LYST: variants seen among roughly 807,000 people sequenced by gnomAD.
The protein encoded by LYST is lysosomal-trafficking regulator.
LYST carries 192 observed loss-of-function variants against 413.6 expected under a neutral mutation model. The observed-to-expected ratio is 0.46, with a 90% confidence interval of 0.41 to 0.52. The LOEUF is 0.52. Among genes scored for constraint, LYST ranks in the 20% least tolerant of loss-of-function variants. The probability of loss-of-function intolerance (pLI) is 0.00; values close to 1 mark genes in which losing one functional copy is unlikely to be tolerated. For synonymous variants in LYST, 1,525 were observed against 1,567.3 expected (o/e 0.97, Z 0.64); for missense variants, 3,815 against 4,499.9 (o/e 0.85, Z 4.35).
rs181635489 is a variant in LYST, at chr1:235,705,222, C to T, written c.10144-2245G>A. ...CAATCCTTAATTCAGAGTCTCTGCA[C>T]TTAATCGCCATACTTTGTTTTGCCC... On this transcript the variant is annotated intron_variant, in intron 44 of 52. Coordinates refer to ENST00000389793, the MANE Select transcript of LYST (RefSeq NM_000081.4). Among the ~76,000 whole-genome samples the T allele has an allele frequency of 5.3e-5, 8 of 152,174 alleles. No homozygotes were observed. In the East Asian group the frequency reaches 1.5e-3, roughly 29 times the overall value.
intron 1 of LYST, among the ~76,000 whole-genome samples, chr1:235,875,045 G>A (rs774126570): frequency 6.6e-6 from 1 of 152,132 alleles, no homozygotes; most frequent in African/African-American, 2.4e-5. Context: ...ATTTTAACAC[G>A]ATCCCCGGGT....
rs1034900342 is a variant in LYST at position 235,819,820 on chromosome 1, G to A, written c.193-6759C>T. Among the ~76,000 whole-genome samples, 7 of 152,040 alleles carry A rather than the reference G, an allele frequency of 4.6e-5. No homozygotes were observed. The South Asian group carries it at 8.3e-4, about 18-fold the overall frequency. The stretch of plus-strand genomic sequence containing the variant: ...GCCACCACGCCCAGCTAATCTTTTC[G>A]TAATTTTAGTAGAGATGGGGTATCA... On this transcript the variant is annotated intron_variant, in intron 3 of 52. Transcript: ENST00000389793.
intron 42 of LYST, among the ~76,000 whole-genome samples, chr1:235,714,835 G>T (rs1662697326): frequency 6.6e-6 from 1 of 152,120 alleles, no homozygotes; most frequent in Admixed American, 6.5e-5. Flanking sequence ...ATGTACATAG[G>T]CTCCAAAGGT....
At chr1:235,752,936 A>G (rs542672088) in intron 26 of LYST, 108 bp downstream of exon 26, 345 of 636,860 alleles carry the variant, frequency 5.4e-4, no homozygotes, top group Non-Finnish European at 8.4e-4. Flanking sequence ...GGTACACAGA[A>G]AGGCTTCTTA....
chr1:235,780,708 G>A (rs1669778450), intron 16 of LYST, among the ~76,000 whole-genome samples, 157 bp downstream of exon 16: 1 of 151,716 alleles, frequency 6.6e-6, no homozygotes, highest in Non-Finnish European at 1.5e-5. Flanking sequence ...AGATCAAAGT[G>A]TTTCAATTTT....
chr1:235,753,104 T>A lies in LYST; in HGVS notation c.7400A>T (p.Asp2467Val), dbSNP rs748309102. Residue 2467 changes from aspartate to valine, a missense_variant, in exon 26 of 53, where the codon GAT (aspartate) becomes GTT (valine). Physicochemically the swap from Asp to Val is radical, Grantham distance 152. This residue lies in a region of LYST where 771 missense variants were observed against 837.1 expected (regional missense o/e 0.92). Coordinates refer to ENST00000389793, the MANE Select transcript of LYST (RefSeq NM_000081.4). ...ACATAACACATAGAGTAGACCATTA[T>A]CCAGCAACATATCTGCTACCTTAGA... is the stretch of plus-strand genomic sequence containing the variant. ...SCSKVADMLL[D>V]NGLLYVLCNT... The A allele has an allele frequency of 6.2e-7, 1 of 1,608,880 alleles. No homozygotes were observed. Among genetic ancestry groups the A allele is most frequent in the Non-Finnish European group, 8.5e-7 (1 of 1,175,540 alleles).
At chr1:235,665,758 A>T (rs924365249) in intron 50 of LYST, among the ~76,000 whole-genome samples, 1 of 152,102 alleles carries the variant, frequency 6.6e-6, no homozygotes, top group Non-Finnish European at 1.5e-5. Flanking sequence ...ATAAAGCAAT[A>T]CCTTATTAAT....
chr1:235,846,396 C>T (rs1184916754), intron 1 of LYST, among the ~76,000 whole-genome samples: 1 of 152,136 alleles, frequency 6.6e-6, no homozygotes, highest in Admixed American at 6.5e-5. Flanking sequence ...TAGACCTTCC[C>T]TCTGACAGAG....
In LYST at chr1:235,814,203, G is replaced by C. The variant is rs114845785; in HGVS notation, c.193-1142C>G. Among the ~76,000 whole-genome samples the C allele has an allele frequency of 6.9e-3, 1,045 of 152,252 alleles. 14 individuals carry two copies. Among genetic ancestry groups the C allele is most frequent in the Non-Finnish European group, 9.5e-3 (646 of 68,014 alleles). On this transcript the variant is annotated intron_variant, in intron 3 of 52. Transcript: ENST00000389793. ...AAATTTACAAGTGGTATTAGGTTGG[G>C]ATAAAGATGATGGATTCACTTTTCA...
chr1:235,803,142 T>C, intron 7 of LYST, 78 bp from the exon 8 acceptor site: 1 of 1,121,784 alleles, frequency 8.9e-7, no homozygotes, highest in Non-Finnish European at 1.3e-6. Flanking sequence ...AAAAGTCATG[T>C]TAAGGACAGT....
At chr1:235,739,059 G>T in intron 31 of LYST, 1 of 612,840 alleles carries the variant, frequency 1.6e-6, no homozygotes, top group Non-Finnish European at 3.1e-6. Context: ...TGTGCATATT[G>T]TCCTTTTTAT....
intron 1 of LYST, among the ~76,000 whole-genome samples, chr1:235,859,023 T>C (rs1679544528): frequency 6.6e-6 from 1 of 152,218 alleles, no homozygotes; most frequent in Non-Finnish European, 1.5e-5. Flanking sequence ...CAATAGTAAC[T>C]TTTATTTTCC....
chr1:235,782,468 C>T (rs1053855722), intron 14 of LYST, among the ~76,000 whole-genome samples: 5 of 152,006 alleles, frequency 3.3e-5, no homozygotes, highest in South Asian at 2.1e-4. Context: ...CCACCACACC[C>T]GGCCTACAAT....
chr1:235,830,531 A>AT, intron 2 of LYST, 107 bp from the exon 3 acceptor site: 1 of 856,522 alleles, frequency 1.2e-6, no homozygotes, highest in Non-Finnish European at 1.8e-6. Context: ...TTGGCTTAAA[A>AT]TTACTGGAAA....
At chr1:235,872,353 G>A (rs1680966179) in intron 1 of LYST, among the ~76,000 whole-genome samples, 4 of 148,258 alleles carry the variant, frequency 2.7e-5, no homozygotes, top group African/African-American at 9.9e-5. Context: ...CAGAAATGAA[G>A]ACCGGAAGAC....
At chr1:235,833,347 T>C (rs1178063979) in intron 2 of LYST, among the ~76,000 whole-genome samples, 3 of 152,118 alleles carry the variant, frequency 2.0e-5, no homozygotes, top group Non-Finnish European at 2.9e-5. Context: ...ATAAATAGTA[T>C]ACTGTATATA....
At chr1:235,732,603 C>A (rs1664480279) in intron 34 of LYST, among the ~76,000 whole-genome samples, 1 of 152,196 alleles carries the variant, frequency 6.6e-6, no homozygotes. Context: ...TGAGTAAGGA[C>A]AGCTAATATC....
chr1:235,788,208 G>A (rs535866195), intron 13 of LYST, among the ~76,000 whole-genome samples: 3 of 152,108 alleles, frequency 2.0e-5, no homozygotes, highest in East Asian at 1.9e-4. Flanking sequence ...CACCCAGACT[G>A]GAGTGCAGTG....
intron 24 of LYST, among the ~76,000 whole-genome samples, chr1:235,755,953 C>T (rs531591931): frequency 6.6e-6 from 1 of 151,982 alleles, no homozygotes. Flanking sequence ...ATATTTGTAC[C>T]TAATGCTGAG....
Sources: allele counts gnomAD v4.1 joint callset (sites outside exome capture counted in the v4.1 genomes callset), GRCh38; gene constraint gnomAD v4.1.1; regional missense constraint gnomAD v4.1.1; transcripts MANE v1.5; gene names NCBI Gene and HGNC (gene_info 2026-07-23, HGNC 2026-07-21).